Variants in DHRS12 observed in about 807,000 individuals in gnomAD.
The protein encoded by DHRS12 is dehydrogenase/reductase 12.
DHRS12 carries 29 observed loss-of-function variants against 32.1 expected under a neutral mutation model. That is an observed-to-expected ratio of 0.90 (90% CI 0.67 to 1.23). The LOEUF is 1.23. Ranked by LOEUF, DHRS12 falls within the 50% of genes most tolerant of loss-of-function variation. The pLI, the probability that DHRS12 is intolerant of heterozygous loss-of-function variation, is 0.00. For missense variants in DHRS12, 330 were observed against 337.2 expected, an observed-to-expected ratio of 0.98 and a Z score of 0.17; for synonymous variants, 150 against 135.9, an observed-to-expected ratio of 1.10 and a Z score of -0.72.
chr13:51,758,381 T>A, the DHRS12 span: 1 of 1,077,694 alleles, frequency 9.3e-7, no homozygotes, highest in Non-Finnish European at 1.4e-6. Context: ...TGGGAGGCAC[T>A]GTTCTAAAGG....
intron 4 of DHRS12, among the ~76,000 whole-genome samples, chr13:51,787,099 T>C (rs1172639535): frequency 2.0e-5 from 3 of 152,136 alleles, no homozygotes; most frequent in Non-Finnish European, 4.4e-5. Flanking sequence ...TTCCTTCACT[T>C]GAGAGAGGAT....
intron 3 of DHRS12, 124 bp downstream of exon 3, chr13:51,791,041 G>A: frequency 1.7e-6 from 1 of 582,170 alleles, no homozygotes; most frequent in Non-Finnish European, 2.9e-6. Context: ...ACAGGCCCAA[G>A]CATAAGAGAG....
At chr13:51,770,099 G>A (rs978602638) in intron 7 of DHRS12, among the ~76,000 whole-genome samples, 1 of 152,210 alleles carries the variant, frequency 6.6e-6, no homozygotes, top group African/African-American at 2.4e-5. Context: ...GAATTTTAGA[G>A]CTAGAAAGGA....
At chr13:51,803,804 T>TGGGCGCGCCACAGCCCCGCCCCTC (rs1955866139) in intron 1 of DHRS12, 1 of 330,220 alleles carries the variant, frequency 3.0e-6, no homozygotes, top group African/African-American at 2.2e-5. Flanking sequence ...GCCCTGGGCT[T>TGGGCGCGCCACAGCCCCGCCCCTC]GGGCGCGCCA....
At chr13:51,767,404 CTGA>C (rs1443827017), downstream of DHRS12, 2 of 152,184 alleles carry the variant, frequency 1.3e-5, no homozygotes, top group Non-Finnish European at 2.9e-5. Context: ...TGGTCCTTGG[CTGA>C]TGATGAGCCC....
intron 4 of DHRS12, among the ~76,000 whole-genome samples, chr13:51,787,887 TA>T (rs869083630): frequency 6.1e-5 from 8 of 132,208 alleles, no homozygotes; most frequent in Middle Eastern, 3.6e-3. Context: ...TTATATATAA[TA>T]TATAAATATA....
At chr13:51,783,034 G>A (rs140129905) in intron 4 of DHRS12, among the ~76,000 whole-genome samples, 189 of 152,258 alleles carry the variant, frequency 1.2e-3, no homozygotes, top group African/African-American at 4.3e-3. Context: ...GGCCCAGAGC[G>A]GGGTGCACGG....
At chr13:51,757,786 A>G in the DHRS12 span, among the ~76,000 whole-genome samples, 4 of 152,044 alleles carry the variant, frequency 2.6e-5, no homozygotes, top group African/African-American at 9.7e-5. Flanking sequence ...TTTTCCTATT[A>G]GAATGACACT....
At chr13:51,767,951 A>G, downstream of DHRS12, 4 of 1,325,224 alleles carry the variant, frequency 3.0e-6, no homozygotes, top group Non-Finnish European at 3.9e-6. Flanking sequence ...ACCATTCTCG[A>G]ATAAATGAGA....
intron 4 of DHRS12, among the ~76,000 whole-genome samples, chr13:51,788,233 C>T (rs552201724): frequency 2.6e-4 from 39 of 152,130 alleles, no homozygotes; most frequent in African/African-American, 8.7e-4. Context: ...GGGCCAGCTG[C>T]GGCACTCTGG....
intron 7 of DHRS12, among the ~76,000 whole-genome samples, chr13:51,769,911 G>A (rs953984736): frequency 2.6e-5 from 4 of 152,110 alleles, no homozygotes; most frequent in Non-Finnish European, 2.9e-5. Flanking sequence ...ACCTGCCCAC[G>A]CCTTCGAGGA....
intron 6 of DHRS12, chr13:51,772,822 G>A (rs987478687): frequency 1.0e-6 from 1 of 985,344 alleles, no homozygotes; most frequent in African/African-American, 1.7e-5. Context: ...GTAAAGAAGT[G>A]CAGGTCTTTC....
chr13:51,770,793 A>G (rs542764695), intron 7 of DHRS12: 2 of 1,024,266 alleles, frequency 2.0e-6, no homozygotes, highest in Admixed American at 5.0e-5. Flanking sequence ...GGAACTTGGT[A>G]TCTTCATTTA....
At chr13:51,776,051 TAC>T in intron 5 of DHRS12, 1 of 120,636 alleles carries the variant, frequency 8.3e-6, no homozygotes, top group Non-Finnish European at 1.7e-5. Context: ...AGTATTCTCC[TAC>T]ATGTATTCTA....
At chr13:51,787,814 T>A (rs1955040174) in intron 4 of DHRS12, among the ~76,000 whole-genome samples, 1 of 126,608 alleles carries the variant, frequency 7.9e-6, no homozygotes, top group East Asian at 2.1e-4. Flanking sequence ...TTATATATAA[T>A]TTATATATTA....
chr13:51,772,941 CAG>C (rs1465704530), intron 6 of DHRS12: 2 of 985,340 alleles, frequency 2.0e-6, no homozygotes, highest in Admixed American at 6.2e-5. Context: ...AGTGGAGGTG[CAG>C]AGAGTCTCAG....
intron 2 of DHRS12, 146 bp downstream of exon 2, chr13:51,799,388 C>G: frequency 1.6e-6 from 2 of 1,259,900 alleles, no homozygotes; most frequent in Non-Finnish European, 2.2e-6. Context: ...GCTCAAAACT[C>G]AGAAAGCTGG....
intron 2 of DHRS12, among the ~76,000 whole-genome samples, chr13:51,791,835 A>G (rs1477452961): frequency 2.0e-5 from 3 of 152,234 alleles, no homozygotes; most frequent in African/African-American, 4.8e-5. Flanking sequence ...GCTACCTCAC[A>G]TAAGTGAAAT....
chr13:51,769,068 G>A lies in DHRS12; in HGVS notation c.697+88C>T, dbSNP rs1593500449. ...CCCCCAGGGGACAGTCCCACCCCAG[G>A]TTTCACGGAGGGGAAGGTGCGCCTC... On this transcript the variant is annotated intron_variant, in intron 8 of 8. Coordinates refer to ENST00000444610, the MANE Select transcript of DHRS12 (RefSeq NM_001377533.1). The A allele has an allele frequency of 2.6e-6, 4 of 1,537,606 alleles. No homozygotes were observed. The East Asian group carries it at 7.4e-5, about 29-fold the overall frequency.
Sources: allele counts gnomAD v4.1 joint callset (sites outside exome capture counted in the v4.1 genomes callset), GRCh38; gene constraint gnomAD v4.1.1; transcripts MANE v1.5; gene names NCBI Gene and HGNC (gene_info 2026-07-23, HGNC 2026-07-21).